The following ENAH variants were observed in gnomAD, a reference collection of about 807,000 sequenced individuals.
ENAH encodes ENAH actin regulator.
In ENAH, 23 loss-of-function variants were observed where a neutral mutation model predicts 78.7. That is an observed-to-expected ratio of 0.29 (90% confidence interval 0.21 to 0.41). The LOEUF is 0.41. ENAH is among the 10% of genes least tolerant of loss of function. The pLI is 1.00. For missense variants in ENAH, 544 were observed against 691.0 expected, an observed-to-expected ratio of 0.79 and a Z score of 2.39; for synonymous variants, 226 against 241.0, an observed-to-expected ratio of 0.94 and a Z score of 0.58.
rs1180537613 is a variant in ENAH, at chr1:225,494,077, A to AAAAC, written c.*3697_*3698insGTTT. The AAAAC allele has an allele frequency of 1.3e-4, 19 of 150,880 alleles. 1 individual carries two copies. Among genetic ancestry groups the AAAAC allele is most frequent in the African/African-American group, 4.4e-4 (18 of 41,118 alleles). 9.3% of individuals were successfully genotyped at this position (150,880 alleles called of 1,614,324 possible). On this transcript the variant is annotated 3_prime_UTR_variant, in exon 14 of 14. Transcript: ENST00000366843. ...GACAGGCTAGAGCAAAAAAAAAAAA[A>AAAAC]AAAAAACAGCTGAAAATTTTACAAC...
rs59508510 is a variant in ENAH, at chr1:225,609,656, A to ATTTTTT, written c.6-42248_6-42243dup. Reference sequence around the variant, plus strand: ...ATTCTAGCAGGAAAGGGAAAAATGGATTTTTTTTTTTTTTTTTTTTTTTTT... The same window carrying ATTTTTT: ...ATTCTAGCAGGAAAGGGAAAAATGGATTTTTTTTTTTTTTTTTTTTTTTTTTTTTTT... On this transcript the variant is annotated intron_variant, in intron 1 of 13. Transcript: ENST00000366843. Among the ~76,000 whole-genome samples the ATTTTTT allele has an allele frequency of 1.7e-4, 13 of 76,508 alleles. 1 individual carries two copies. Among genetic ancestry groups the ATTTTTT allele is most frequent in the Admixed American group, 5.1e-4 (3 of 5,926 alleles). 50.2% of individuals were successfully genotyped at this position (76,508 alleles called of 152,430 possible).
chr1:225,609,648 A>G (rs2096976994), intron 1 of ENAH, among the ~76,000 whole-genome samples: 1 of 150,520 alleles, frequency 6.6e-6, no homozygotes, highest in East Asian at 2.0e-4. Flanking sequence ...CAGGAAAGGG[A>G]AAAATGGATT....
intron 1 of ENAH, among the ~76,000 whole-genome samples, chr1:225,650,848 T>TA (rs746549168): frequency 0.15 from 9,074 of 58,830 alleles, 1,384 homozygotes; most frequent in African/African-American, 0.27. Flanking sequence ...AGACTGCATT[T>TA]AAAAAAAAAA....
chr1:225,551,980 C>T (rs1356525112), intron 3 of ENAH, among the ~76,000 whole-genome samples: 2 of 151,992 alleles, frequency 1.3e-5, no homozygotes, highest in African/African-American at 4.8e-5. Context: ...AGATTTTTGG[C>T]AGGGTATGAT....
At chr1:225,583,668 C>T (rs1465905536) in intron 1 of ENAH, among the ~76,000 whole-genome samples, 1 of 151,494 alleles carries the variant, frequency 6.6e-6, no homozygotes, top group Non-Finnish European at 1.5e-5. Flanking sequence ...GTTAGCCAGG[C>T]ATGGTGGCGC....
intron 1 of ENAH, among the ~76,000 whole-genome samples, chr1:225,586,137 G>A (rs933842403): frequency 1.3e-4 from 19 of 150,950 alleles, no homozygotes; most frequent in Non-Finnish European, 1.9e-4. Context: ...GATCAGCTGA[G>A]CCAAGGAACT....
chr1:225,593,152 C>T lies in ENAH; in HGVS notation c.6-25738G>A, dbSNP rs534344600. Among the ~76,000 whole-genome samples, 12 of 152,184 alleles carry T rather than the reference C, an allele frequency of 7.9e-5. No individual in the cohort carries two copies. The East Asian group carries it at 2.3e-3, about 29-fold the overall frequency. On this transcript the variant is annotated intron_variant, in intron 1 of 13. Coordinates refer to ENST00000366843, the MANE Select transcript of ENAH (RefSeq NM_018212.6). ...TTGATAAGAGATGGCACATAGTAGACCTTCCCCCCACACACAGACTAAAGA... is the reference window on the plus strand; with the variant it reads ...TTGATAAGAGATGGCACATAGTAGATCTTCCCCCCACACACAGACTAAAGA...
In ENAH at chr1:225,507,963, G is replaced by T; in HGVS notation, c.1526C>A (p.Pro509His). 3 of 1,554,508 alleles carry T rather than the reference G, an allele frequency of 1.9e-6. No homozygotes were observed. The highest frequency in any genetic ancestry group is 2.6e-6 in the Non-Finnish European group (3 of 1,160,076). ...RTNTMNGSKS[P>H]VISRPKSTPL... is the part of the protein sequence containing the mutation. ...AAAAAATTGATACCTGGAGATAACA[G>T]GTGACTTGCTGCCATTCATTGTATT... The change falls in exon 11 of 14, where the codon CCT becomes CAT. Residue 509 changes from proline to histidine, a missense_variant. Pro to His is a moderately conservative substitution (Grantham distance 77). Around this residue, in one of 4 missense-constraint regions of ENAH, gnomAD observed 97 missense variants for 124.4 expected, o/e 0.78. Transcript: ENST00000366843.
chr1:225,513,989 CAA>C, intron 7 of ENAH, among the ~76,000 whole-genome samples: 1 of 151,128 alleles, frequency 6.6e-6, no homozygotes, highest in Admixed American at 6.6e-5. Flanking sequence ...AACTCCGTCT[CAA>C]GAGAAAAAAC....
At chr1:225,551,014 T>C (rs2096638273) in intron 3 of ENAH, among the ~76,000 whole-genome samples, 1 of 152,220 alleles carries the variant, frequency 6.6e-6, no homozygotes, top group African/African-American at 2.4e-5. Context: ...AATCCATAAC[T>C]ATTACCTATA....
At chr1:225,627,712 T>C (rs971419830) in intron 1 of ENAH, among the ~76,000 whole-genome samples, 1 of 152,184 alleles carries the variant, frequency 6.6e-6, no homozygotes, top group African/African-American at 2.4e-5. Context: ...TTGTTAATGA[T>C]TTCCTAGCTA....
chr1:225,613,650 G>A (rs1215231248), intron 1 of ENAH, among the ~76,000 whole-genome samples: 1 of 151,646 alleles, frequency 6.6e-6, no homozygotes, highest in East Asian at 1.9e-4. Flanking sequence ...GTCTGGTTCA[G>A]CCATAACAAC....
chr1:225,533,011 T>C (rs2096545359), intron 3 of ENAH, among the ~76,000 whole-genome samples: 1 of 152,074 alleles, frequency 6.6e-6, no homozygotes, highest in African/African-American at 2.4e-5. Flanking sequence ...TGTGTGTGTG[T>C]CCGTGCATGG....
intron 3 of ENAH, among the ~76,000 whole-genome samples, chr1:225,546,494 AAG>A (rs1003652966): frequency 6.6e-6 from 1 of 152,200 alleles, no homozygotes; most frequent in African/African-American, 2.4e-5. Flanking sequence ...GCATCCTTCC[AAG>A]AGAGTCTGGC....
At chr1:225,538,435 C>G (rs889402147) in intron 3 of ENAH, among the ~76,000 whole-genome samples, 1 of 151,760 alleles carries the variant, frequency 6.6e-6, no homozygotes, top group East Asian at 1.9e-4. Flanking sequence ...GAAACATTTT[C>G]AAAAATATTA....
Position 225,502,376 on chromosome 1 carries a change from A to AT in ENAH, c.1539-1307dup, listed in dbSNP as rs201244721. 4.5e-3 allele frequency among the ~76,000 whole-genome samples: 677 copies of AT among 151,984 alleles called. 9 individuals carry two copies. The highest frequency in any genetic ancestry group is 0.015 in the African/African-American group (631 of 41,458). ...ACAGGTGCACCACAATGCCTGGCTA[A>AT]TTTTTTTGTATTCTGAGTAGAGACG... On this transcript the variant is annotated intron_variant, in intron 11 of 13. Coordinates refer to ENST00000366843, the MANE Select transcript of ENAH (RefSeq NM_018212.6).
At chr1:225,509,367 G>T (rs2096358950) in intron 10 of ENAH, among the ~76,000 whole-genome samples, 2 of 152,202 alleles carry the variant, frequency 1.3e-5, no homozygotes. Context: ...TGTAGCAAGT[G>T]CTACCTTTTA....
chr1:225,559,249 ATTATC>A (rs1238669027), intron 2 of ENAH, among the ~76,000 whole-genome samples: 2 of 152,066 alleles, frequency 1.3e-5, no homozygotes, highest in Non-Finnish European at 2.9e-5. Flanking sequence ...GGGATTCTCT[ATTATC>A]TTATTTCTAG....
At chr1:225,517,808 G>A (rs866984467) in intron 5 of ENAH, 1 of 1,551,404 alleles carries the variant, frequency 6.4e-7, no homozygotes, top group Non-Finnish European at 8.7e-7. Flanking sequence ...GCTGAGTGTC[G>A]CAGTGGTGGT....
Sources: allele counts gnomAD v4.1 joint callset (sites outside exome capture counted in the v4.1 genomes callset), GRCh38; gene constraint gnomAD v4.1.1; regional missense constraint gnomAD v4.1.1; transcripts MANE v1.5; gene names NCBI Gene and HGNC (gene_info 2026-07-23, HGNC 2026-07-21).